RABGAP1L: variants seen among roughly 807,000 people sequenced by gnomAD.
RABGAP1L encodes RAB GTPase activating protein 1 like.
In RABGAP1L, 63 loss-of-function variants were observed where a neutral mutation model predicts 137.7. That is an observed-to-expected ratio of 0.46 (90% CI 0.37 to 0.56). RABGAP1L has a LOEUF of 0.56. Ranked by LOEUF, RABGAP1L falls within the 20% of genes least tolerant of loss-of-function variation. RABGAP1L has a pLI of 0.00. For synonymous variants in RABGAP1L, 431 were observed against 433.7 expected (o/e 0.99, Z 0.08); for missense variants, 1,095 against 1,244.0 (o/e 0.88, Z 1.80).
intron 13 of RABGAP1L, among the ~76,000 whole-genome samples, chr1:174,483,007 T>C (rs1351730928): frequency 2.0e-5 from 3 of 152,138 alleles, no homozygotes; most frequent in Non-Finnish European, 4.4e-5. Flanking sequence ...TTTTTGTGGG[T>C]ACATGGTAGG....
chr1:174,333,263 G>A lies in RABGAP1L; in HGVS notation c.1465+28136G>A, dbSNP rs142833514. Among the ~76,000 whole-genome samples the A allele has an allele frequency of 3.2e-3, 488 of 152,286 alleles. 4 individuals carry two copies. The highest frequency in any genetic ancestry group is 0.011 in the African/African-American group (448 of 41,558). On this transcript the variant is annotated intron_variant, in intron 11 of 25. Transcript: ENST00000681986. ...CTGCTACTCCGTTTTACAGTGGGGT[G>A]ACTGTAGCTAACTGTAACGCATCGG...
intron 18 of RABGAP1L, chr1:174,800,320 C>G (rs1408908946): frequency 6.5e-7 from 1 of 1,546,848 alleles, no homozygotes; most frequent in South Asian, 1.2e-5. Flanking sequence ...TTCTGGATAC[C>G]TACTTAGTGC....
At chr1:174,829,021 TG>T (rs1691848711) in intron 19 of RABGAP1L, among the ~76,000 whole-genome samples, 1 of 147,874 alleles carries the variant, frequency 6.8e-6, no homozygotes, top group South Asian at 2.2e-4. Context: ...ATAAGAAACT[TG>T]GCACAATGTA....
intron 14 of RABGAP1L, among the ~76,000 whole-genome samples, chr1:174,662,222 A>G (rs1031469524): frequency 2.7e-5 from 4 of 147,856 alleles, no homozygotes; most frequent in African/African-American, 7.5e-5. Context: ...TCCTGCCTCA[A>G]CCTCCCAAGT....
chr1:174,919,237 C>T (rs959678966), intron 19 of RABGAP1L, among the ~76,000 whole-genome samples: 24 of 152,048 alleles, frequency 1.6e-4, no homozygotes, highest in Non-Finnish European at 2.4e-4. Flanking sequence ...AGGCTGGTCT[C>T]GAACTCCCGA....
At chr1:174,378,403 C>T (rs1685769442) in intron 12 of RABGAP1L, among the ~76,000 whole-genome samples, 3 of 150,224 alleles carry the variant, frequency 2.0e-5, no homozygotes, top group African/African-American at 7.3e-5. Context: ...GTCCCACCAA[C>T]AGTGTAAAAG....
chr1:174,834,036 C>T (rs1692462004), intron 19 of RABGAP1L, among the ~76,000 whole-genome samples: 1 of 151,970 alleles, frequency 6.6e-6, no homozygotes, highest in Admixed American at 6.6e-5. Context: ...TAAGTTCTGC[C>T]TAAAATAATT....
intron 1 of RABGAP1L, among the ~76,000 whole-genome samples, chr1:174,181,235 T>C (rs1412463437): frequency 6.6e-6 from 1 of 152,174 alleles, no homozygotes; most frequent in Non-Finnish European, 1.5e-5. Context: ...TGAATTCCTA[T>C]GCTTAAGTGA....
intron 19 of RABGAP1L, chr1:174,897,673 T>C (rs933135777): frequency 1.3e-5 from 2 of 152,106 alleles, no homozygotes; most frequent in Non-Finnish European, 2.9e-5. Flanking sequence ...TACTTGCCTG[T>C]TAGTATGTTT....
intron 10 of RABGAP1L, among the ~76,000 whole-genome samples, chr1:174,298,425 CT>C (rs1385215267): frequency 6.6e-6 from 1 of 152,214 alleles, no homozygotes; most frequent in Non-Finnish European, 1.5e-5. Flanking sequence ...CTGATGTGGC[CT>C]TTATCCAAAT....
At chr1:174,912,144 T>C (rs1660155735) in intron 19 of RABGAP1L, among the ~76,000 whole-genome samples, 1 of 151,990 alleles carries the variant, frequency 6.6e-6, no homozygotes, top group African/African-American at 2.4e-5. Context: ...TGTTTGTTTG[T>C]TTGTTTATTT....
At chr1:174,251,886 A>G (rs1262287845) in intron 6 of RABGAP1L, among the ~76,000 whole-genome samples, 1 of 151,630 alleles carries the variant, frequency 6.6e-6, no homozygotes, top group Non-Finnish European at 1.5e-5. Context: ...ACTGAAATTT[A>G]TCATGTTGTC....
At chr1:174,467,818 C>T (rs191159178) in intron 13 of RABGAP1L, among the ~76,000 whole-genome samples, 68 of 152,068 alleles carry the variant, frequency 4.5e-4, no homozygotes, top group African/African-American at 1.5e-3. Context: ...TGGCAGTTAA[C>T]GTTATACTGA....
intron 3 of RABGAP1L, among the ~76,000 whole-genome samples, chr1:174,225,494 C>CTTTTTT (rs59323156): frequency 9.5e-6 from 1 of 105,710 alleles, no homozygotes; most frequent in African/African-American, 3.5e-5. Context: ...AGAATGTTGA[C>CTTTTTT]TTTTTTTTTT....
At chr1:174,303,788 A>G (rs1279929727) in intron 10 of RABGAP1L, among the ~76,000 whole-genome samples, 4 of 152,184 alleles carry the variant, frequency 2.6e-5, no homozygotes, top group African/African-American at 4.8e-5. Flanking sequence ...TTTTACCACT[A>G]TTGTACAATT....
chr1:174,176,713 GAAAAAAAAAAAAAAAAAA>G (rs71563251), intron 1 of RABGAP1L, among the ~76,000 whole-genome samples: 5 of 21,550 alleles, frequency 2.3e-4, no homozygotes, highest in Admixed American at 1.0e-3. Context: ...CCCTTTTTCA[GAAAAAAAAAAAAAAAAAA>G]AAAAAAAAAA....
chr1:174,371,992 T>A (rs1685148523), intron 12 of RABGAP1L, among the ~76,000 whole-genome samples: 1 of 152,168 alleles, frequency 6.6e-6, no homozygotes, highest in Non-Finnish European at 1.5e-5. Context: ...ATTAGGTTTA[T>A]CAAATTTGGA....
intron 13 of RABGAP1L, among the ~76,000 whole-genome samples, chr1:174,571,065 C>T (rs1187943938): frequency 2.0e-5 from 3 of 152,102 alleles, no homozygotes; most frequent in East Asian, 1.9e-4. Context: ...TTGTACATTT[C>T]CACAATGGAG....
chr1:174,913,101 G>A (rs1660312782), intron 19 of RABGAP1L, among the ~76,000 whole-genome samples: 1 of 151,644 alleles, frequency 6.6e-6, no homozygotes, highest in Admixed American at 6.6e-5. Context: ...TCTGCCTCCC[G>A]AGTAGCTGGG....
Sources: gnomAD v4.1 joint callset for allele counts (sites outside exome capture counted in the v4.1 genomes callset) on GRCh38, gnomAD v4.1.1 for gene constraint, MANE v1.5 for transcripts, NCBI Gene and HGNC (gene_info 2026-07-23, HGNC 2026-07-21) for gene names.